Variants in PTPN2 observed in about 807,000 individuals in gnomAD.
PTPN2 encodes the protein protein tyrosine phosphatase non-receptor type 2.
In PTPN2, 19 loss-of-function variants were observed where a neutral mutation model predicts 57.3. That is an observed-to-expected ratio of 0.33 (90% CI 0.23 to 0.49). PTPN2 has a LOEUF of 0.49. Ranked by LOEUF, PTPN2 falls within the 20% of genes least tolerant of loss-of-function variation. The pLI, the probability that PTPN2 is intolerant of heterozygous loss-of-function variation, is 0.99. For synonymous variants in PTPN2, 153 were observed against 164.9 expected, an observed-to-expected ratio of 0.93 and a Z score of 0.55; for missense variants, 358 against 501.1, an observed-to-expected ratio of 0.71 and a Z score of 2.73.
At chr18:12,787,752 A>AT (rs2040878246), downstream of PTPN2, 1 of 152,218 alleles carries the variant, frequency 6.6e-6, no homozygotes. Flanking sequence ...ACTTGAATCA[A>AT]TTTTTGCTAT....
intron 2 of PTPN2, among the ~76,000 whole-genome samples, chr18:12,843,277 A>G (rs1012876813): frequency 2.2e-4 from 34 of 152,246 alleles, no homozygotes; most frequent in Admixed American, 1.8e-3. Context: ...CAGTGGCTCG[A>G]ATGGACCAGT....
intron 8 of PTPN2, among the ~76,000 whole-genome samples, chr18:12,796,736 T>G (rs941193125): frequency 6.6e-6 from 1 of 152,226 alleles, no homozygotes; most frequent in Non-Finnish European, 1.5e-5. Context: ...TCTCCAAATT[T>G]GTTCCCCACT....
intron 1 of PTPN2, among the ~76,000 whole-genome samples, chr18:12,876,316 A>AGAAGAAGAAGAAGAAG (rs1568177300): frequency 1.3e-5 from 2 of 149,338 alleles, no homozygotes; most frequent in South Asian, 2.1e-4. Context: ...AAGAAGAAGA[A>AGAAGAAGAAGAAGAAG]ATTTGTCAGG....
At chr18:12,864,405 T>TC (rs1230710883) in intron 1 of PTPN2, among the ~76,000 whole-genome samples, 1 of 151,806 alleles carries the variant, frequency 6.6e-6, no homozygotes, top group East Asian at 1.9e-4. Flanking sequence ...TACTTTCCTT[T>TC]TTTTTTTTTG....
intron 3 of PTPN2, among the ~76,000 whole-genome samples, chr18:12,832,903 C>T (rs1250976062): frequency 1.3e-5 from 2 of 152,354 alleles, no homozygotes; most frequent in Middle Eastern, 3.4e-3. Flanking sequence ...TTCTCCCTCC[C>T]TCAGCCTCCT....
intron 3 of PTPN2, 149 bp from the exon 4 acceptor site, chr18:12,831,190 G>A: frequency 1.9e-6 from 1 of 524,788 alleles, no homozygotes; most frequent in Non-Finnish European, 3.5e-6. Context: ...CAATCTACCT[G>A]ATTTCAAAAA....
At chr18:12,873,375 T>C (rs2044339752) in intron 1 of PTPN2, among the ~76,000 whole-genome samples, 1 of 152,192 alleles carries the variant, frequency 6.6e-6, no homozygotes, top group Non-Finnish European at 1.5e-5. Flanking sequence ...CTCGGCTCAC[T>C]GCAACCTCCC....
chr18:12,794,538 G>A (rs907951293), intron 8 of PTPN2, 53 bp from the exon 9 acceptor site: 5 of 1,595,916 alleles, frequency 3.1e-6, no homozygotes, highest in Admixed American at 1.7e-5. Context: ...CAGGACTTGA[G>A]TACTCTAACA....
At position 12,817,197 on chromosome 18, in the gene PTPN2, G is replaced by A. The variant is rs1248980805; in HGVS notation, c.664C>T (p.Arg222Cys). Reference protein sequence around the residue: ...AVIHCSAGIGRSGTFSLVDTC... With the variant: ...AVIHCSAGIGCSGTFSLVDTC... ...TCTACCAGAGAGAAGGTGCCAGAGCGCCCAATGCCTGCACTACAGTGGATC... is the reference window on the plus strand; with the variant it reads ...TCTACCAGAGAGAAGGTGCCAGAGCACCCAATGCCTGCACTACAGTGGATC... The change falls in exon 6 of 9, where the codon CGC (arginine) becomes TGC (cysteine). Residue 222 changes from arginine (R) to cysteine (C), a missense_variant. This residue lies in a region of PTPN2 where 193 missense variants were observed against 315.4 expected (regional missense o/e 0.61). Coordinates refer to ENST00000309660, the MANE Select transcript of PTPN2 (RefSeq NM_002828.4). 6.2e-7 allele frequency: 1 copy of A among 1,614,066 alleles called. No homozygotes were observed. The highest frequency in any genetic ancestry group is 1.3e-5 in the African/African-American group (1 of 75,034).
At chr18:12,809,210 T>C (rs752617165) in intron 7 of PTPN2, among the ~76,000 whole-genome samples, 2 of 152,190 alleles carry the variant, frequency 1.3e-5, no homozygotes. Context: ...TTTCAGTTTC[T>C]TCTATGAAAG....
chr18:12,790,568 T>C (rs1167967839), downstream of PTPN2, among the ~76,000 whole-genome samples: 1 of 152,162 alleles, frequency 6.6e-6, no homozygotes, highest in Non-Finnish European at 1.5e-5. Context: ...CATAAAATTG[T>C]GTTGAGGATT....
intron 1 of PTPN2, among the ~76,000 whole-genome samples, chr18:12,861,329 T>C (rs2043802286): frequency 6.6e-6 from 1 of 152,226 alleles, no homozygotes; most frequent in Non-Finnish European, 1.5e-5. Context: ...TAATACCATT[T>C]ATTGGTTTCT....
chr18:12,846,300 A>C (rs1416476073), intron 2 of PTPN2, among the ~76,000 whole-genome samples: 2 of 152,154 alleles, frequency 1.3e-5, no homozygotes, highest in African/African-American at 4.8e-5. Context: ...AGATTATGTA[A>C]ATACCTTGTT....
intron 2 of PTPN2, among the ~76,000 whole-genome samples, chr18:12,857,872 T>C (rs889083147): frequency 6.6e-6 from 1 of 152,198 alleles, no homozygotes; most frequent in South Asian, 2.1e-4. Context: ...AAGAGAAACA[T>C]AGTATTTAAT....
intron 2 of PTPN2, among the ~76,000 whole-genome samples, chr18:12,852,419 A>G (rs1266026991): frequency 6.6e-6 from 1 of 152,228 alleles, no homozygotes; most frequent in African/African-American, 2.4e-5. Context: ...TTTTCAAACA[A>G]CGAAGTTCTT....
intron 3 of PTPN2, among the ~76,000 whole-genome samples, chr18:12,832,408 T>G (rs1274677660): frequency 6.6e-6 from 1 of 152,140 alleles, no homozygotes. Context: ...TCAGCCATGG[T>G]GCCCAGCTGA....
intron 6 of PTPN2, among the ~76,000 whole-genome samples, chr18:12,815,825 ATCAAGC>A (rs1227270028): frequency 2.0e-5 from 3 of 152,154 alleles, no homozygotes; most frequent in Non-Finnish European, 2.9e-5. Context: ...CACTCCATTG[ATCAAGC>A]TCCTTGTGTG....
intron 1 of PTPN2, among the ~76,000 whole-genome samples, chr18:12,868,193 G>T (rs1280081354): frequency 6.6e-6 from 1 of 152,148 alleles, no homozygotes; most frequent in Non-Finnish European, 1.5e-5. Context: ...GGGATTACAA[G>T]ACCTTAATAG....
In PTPN2 at chr18:12,814,186, A is replaced by C; in HGVS notation, c.858+17T>G. On this transcript the variant is annotated intron_variant, in intron 7 of 8. Transcript: ENST00000309660. ...ATTTAACAAATAGATATGATTTAAA[A>C]CCTGTATGAAGTTTACCTGTATACT... 6.5e-7 allele frequency: 1 copy of C among 1,529,144 alleles called. No homozygotes were observed. The highest frequency in any genetic ancestry group is 9.0e-7 in the Non-Finnish European group (1 of 1,116,106). The allele number at this position is 1,529,144 out of a possible 1,614,324, so 94.7% of individuals were successfully genotyped here.
Sources: gnomAD v4.1 joint callset for allele counts (sites outside exome capture counted in the v4.1 genomes callset) on GRCh38, gnomAD v4.1.1 for gene constraint, gnomAD v4.1.1 regional missense constraint, MANE v1.5 for transcripts, NCBI Gene and HGNC (gene_info 2026-07-23, HGNC 2026-07-21) for gene names.